CAMKMT: variants seen among roughly 807,000 people sequenced by gnomAD.
CAMKMT encodes calmodulin-lysine N-methyltransferase.
A neutral mutation model predicts 48.0 loss-of-function variants in CAMKMT; 53 were observed. The observed-to-expected ratio is 1.10, with a 90% CI of 0.89 to 1.39. The LOEUF is 1.39. CAMKMT is among the 40% of genes most tolerant of loss of function. CAMKMT has a pLI of 0.00. For missense variants in CAMKMT, 428 were observed against 402.7 expected (o/e 1.06, Z -0.54); for synonymous variants, 165 against 152.3 (o/e 1.08, Z -0.61).
chr2:44,679,994 T>C (rs1675928681), intron 3 of CAMKMT, among the ~76,000 whole-genome samples: 1 of 152,220 alleles, frequency 6.6e-6, no homozygotes, highest in African/African-American at 2.4e-5. Context: ...TGAAGAAAGT[T>C]CACACCAAGC....
chr2:44,747,577 C>A (rs1321715968), intron 8 of CAMKMT, among the ~76,000 whole-genome samples: 1 of 152,214 alleles, frequency 6.6e-6, no homozygotes, highest in Non-Finnish European at 1.5e-5. Context: ...TGAAAGAGGT[C>A]ATTCCTTTGC....
chr2:44,675,301 A>G (rs491177), intron 3 of CAMKMT, among the ~76,000 whole-genome samples: 71,613 of 151,962 alleles, frequency 0.47, 17,797 homozygotes, highest in Non-Finnish European at 0.54. Context: ...CAAAAGCTAT[A>G]AATAATTCTT....
At chr2:44,630,212 G>T (rs1471058571) in intron 3 of CAMKMT, among the ~76,000 whole-genome samples, 2 of 150,810 alleles carry the variant, frequency 1.3e-5, no homozygotes, top group Non-Finnish European at 1.5e-5. Flanking sequence ...GCTGAAACTG[G>T]ATCCCTTCCT....
chr2:44,373,018 C>T (rs1679337145), intron 2 of CAMKMT, 130 bp downstream of exon 2: 2 of 864,574 alleles, frequency 2.3e-6, no homozygotes, highest in Non-Finnish European at 3.5e-6. Context: ...TTAGGTTTTA[C>T]AACTTGTTTT....
intron 3 of CAMKMT, among the ~76,000 whole-genome samples, chr2:44,510,017 A>G (rs780810931): frequency 6.6e-6 from 1 of 152,208 alleles, no homozygotes; most frequent in Non-Finnish European, 1.5e-5. Context: ...GTTCTCAAAT[A>G]CTTTTCCCCT....
intron 3 of CAMKMT, among the ~76,000 whole-genome samples, chr2:44,615,637 G>T (rs1671845902): frequency 6.6e-6 from 1 of 152,016 alleles, no homozygotes; most frequent in Admixed American, 6.6e-5. Context: ...TACATTTGAG[G>T]GGCATTGGGC....
intron 3 of CAMKMT, among the ~76,000 whole-genome samples, chr2:44,610,760 C>T (rs1671551353): frequency 6.6e-6 from 1 of 152,172 alleles, no homozygotes; most frequent in Admixed American, 6.5e-5. Context: ...ATATAGAACT[C>T]TTCTCCTGAA....
chr2:44,654,673 T>C (rs935323335), intron 3 of CAMKMT, among the ~76,000 whole-genome samples: 1 of 152,096 alleles, frequency 6.6e-6, no homozygotes, highest in South Asian at 2.1e-4. Context: ...TCACCATGCC[T>C]GGCGAATTTT....
intron 3 of CAMKMT, among the ~76,000 whole-genome samples, chr2:44,605,081 A>G (rs893948757): frequency 1.3e-5 from 2 of 152,160 alleles, no homozygotes; most frequent in Non-Finnish European, 2.9e-5. Flanking sequence ...CCAAAAATTC[A>G]TGGTAATAAT....
chr2:44,708,966 A>G (rs1677722964), intron 6 of CAMKMT, among the ~76,000 whole-genome samples: 1 of 152,102 alleles, frequency 6.6e-6, no homozygotes, highest in Admixed American at 6.6e-5. Flanking sequence ...TTATCAAACT[A>G]TGGGAAACAT....
At chr2:44,672,272 G>A (rs1198467764) in intron 3 of CAMKMT, among the ~76,000 whole-genome samples, 2 of 152,166 alleles carry the variant, frequency 1.3e-5, no homozygotes, top group Non-Finnish European at 2.9e-5. Flanking sequence ...ATACTTACTC[G>A]GGAAGAGTGC....
At chr2:44,422,751 A>G (rs1684016805) in intron 3 of CAMKMT, among the ~76,000 whole-genome samples, 1 of 151,268 alleles carries the variant, frequency 6.6e-6, no homozygotes, top group African/African-American at 2.4e-5. Context: ...CATAAATTTT[A>G]TCTTGTAGAT....
Position 44,743,704 on chromosome 2 carries a change from C to T in CAMKMT, c.698+8C>T. On this transcript the variant is annotated splice_region_variant and intron_variant, in intron 8 of 10. Transcript: ENST00000378494. ...TGTTATGTGTGCTGACTGGTAAGTA[C>T]ATAAAAATCACAAAACTCCTGTTAG... 2 of 1,604,626 alleles carry T rather than the reference C, an allele frequency of 1.2e-6. No homozygotes were observed. Among genetic ancestry groups the T allele is most frequent in the Non-Finnish European group, 1.7e-6 (2 of 1,173,242 alleles).
At chr2:44,770,355 C>A (rs573054046) in intron 10 of CAMKMT, among the ~76,000 whole-genome samples, 1 of 152,346 alleles carries the variant, frequency 6.6e-6, no homozygotes, top group African/African-American at 2.4e-5. Flanking sequence ...CTTTCAGCAA[C>A]GAAGCCTCCA....
At chr2:44,474,080 A>AT (rs1668559382) in intron 3 of CAMKMT, among the ~76,000 whole-genome samples, 1 of 152,194 alleles carries the variant, frequency 6.6e-6, no homozygotes, top group African/African-American at 2.4e-5. Flanking sequence ...TATACATGGT[A>AT]TATGTGCATC....
intron 3 of CAMKMT, among the ~76,000 whole-genome samples, chr2:44,504,715 T>C (rs1035760651): frequency 4.6e-5 from 7 of 152,256 alleles, no homozygotes; most frequent in African/African-American, 1.7e-4. Flanking sequence ...CCTTAATGGC[T>C]GATGTTGTCA....
At chr2:44,443,870 A>G (rs1310620646) in intron 3 of CAMKMT, among the ~76,000 whole-genome samples, 1 of 152,198 alleles carries the variant, frequency 6.6e-6, no homozygotes, top group African/African-American at 2.4e-5. Flanking sequence ...GAAGCTGCCT[A>G]GTGGGCTTAA....
intron 3 of CAMKMT, among the ~76,000 whole-genome samples, chr2:44,606,311 A>T (rs6758854): frequency 0.62 from 95,004 of 152,046 alleles, 30,220 homozygotes; most frequent in Admixed American, 0.69. Context: ...ATTCAGAGAA[A>T]TGGATTGGCT....
chr2:44,770,333 G>A (rs534164787), intron 10 of CAMKMT, among the ~76,000 whole-genome samples: 95 of 152,356 alleles, frequency 6.2e-4, no homozygotes, highest in African/African-American at 2.2e-3. Flanking sequence ...AGACGGGGCT[G>A]GCCCCTGGCC....
Sources: gnomAD v4.1 joint callset for allele counts (sites outside exome capture counted in the v4.1 genomes callset) on GRCh38, gnomAD v4.1.1 for gene constraint, MANE v1.5 for transcripts, NCBI Gene and HGNC (gene_info 2026-07-23, HGNC 2026-07-21) for gene names.